The following TDRD10 variants were observed in gnomAD, a reference collection of about 807,000 sequenced individuals.
The protein encoded by TDRD10 is tudor domain-containing protein 10.
Under a neutral mutation model 48.0 loss-of-function variants are expected in TDRD10, and 40 were observed. The observed-to-expected ratio is 0.83, with a 90% CI of 0.65 to 1.09. TDRD10 has a LOEUF of 1.09. Ranked by LOEUF, TDRD10 falls within the 50% of genes least tolerant of loss-of-function variation. The probability of loss-of-function intolerance (pLI) is 0.00; values close to 1 mark genes in which losing one functional copy is unlikely to be tolerated. For missense variants in TDRD10, 378 were observed against 434.7 expected, an observed-to-expected ratio of 0.87 and a Z score of 1.16; for synonymous variants, 162 against 170.4, an observed-to-expected ratio of 0.95 and a Z score of 0.38.
chr1:154,539,875 AG>A lies in TDRD10; in HGVS notation c.370-2143del, dbSNP rs575311630. Among the ~76,000 whole-genome samples, 446 of 152,274 alleles carry A rather than the reference AG, an allele frequency of 2.9e-3. 4 individuals carry two copies. The highest frequency in any genetic ancestry group is 0.01 in the African/African-American group (427 of 41,554). The stretch of plus-strand genomic sequence containing the variant: ...GAGGTCACTTCTTTAGATGGTTCTT[AG>A]GGGGGCCCCCAATGCCAGCTCAGAG... On this transcript the variant is annotated intron_variant, in intron 6 of 12. Coordinates refer to ENST00000368482, the MANE Select transcript of TDRD10 (RefSeq NM_182499.4).
intron 4 of TDRD10, among the ~76,000 whole-genome samples, chr1:154,511,292 G>A (rs1190768053): frequency 6.6e-6 from 1 of 151,034 alleles, no homozygotes; most frequent in Non-Finnish European, 1.5e-5. Flanking sequence ...TTTTAGTAGA[G>A]ATGGGGTCTC....
At position 154,532,998 on chromosome 1, in the gene TDRD10, G is replaced by T. The variant is rs1380284296; in HGVS notation, c.370-9026G>T. Among the ~76,000 whole-genome samples the T allele has an allele frequency of 3.3e-5, 5 of 152,218 alleles. No homozygotes were observed. In the South Asian group the frequency reaches 6.2e-4, roughly 19 times the overall value. On this transcript the variant is annotated intron_variant, in intron 6 of 12. Coordinates refer to ENST00000368482, the MANE Select transcript of TDRD10 (RefSeq NM_182499.4). ...CCCCCCAGTAGGGAGAGAGAGGGGG[G>T]CTTTCTCTCTGTGAGGTGGGTATGG...
At chr1:154,512,381 G>A (rs1250458651) in intron 4 of TDRD10, among the ~76,000 whole-genome samples, 2 of 152,076 alleles carry the variant, frequency 1.3e-5, no homozygotes, top group African/African-American at 4.8e-5. Context: ...TTTCACTCTT[G>A]TTGCCCAGGC....
At chr1:154,547,521 C>G in intron 12 of TDRD10, 42 bp downstream of exon 12, 3 of 1,614,238 alleles carry the variant, frequency 1.9e-6, no homozygotes, top group Non-Finnish European at 2.5e-6. Context: ...TCCCTCCACT[C>G]CTGCCCTTGG....
At position 154,542,148 on chromosome 1, in the gene TDRD10, C is replaced by T. The variant is rs1310698487; in HGVS notation, c.412+82C>T. 4 of 1,437,254 alleles carry T rather than the reference C, an allele frequency of 2.8e-6. No individual in the cohort carries two copies. The Admixed American group carries it at 5.3e-5, about 19-fold the overall frequency. 89.0% of individuals were successfully genotyped at this position (1,437,254 alleles called of 1,614,324 possible). A position where few individuals can be genotyped will look rare whatever the true frequency, so the allele number is the denominator to read the frequency against. On this transcript the variant is annotated intron_variant, in intron 7 of 12. Transcript: ENST00000368482. ...CCTCTTCCAGCCCCTTCTGCAGCCT[C>T]CCTTCCAGCTCAGTCCCCTGATGAC...
At chr1:154,545,954 T>TA (rs1695539720) in intron 11 of TDRD10, among the ~76,000 whole-genome samples, 1 of 133,890 alleles carries the variant, frequency 7.5e-6, no homozygotes, top group Admixed American at 7.4e-5. Flanking sequence ...TTTTTTTTTT[T>TA]AGTAGAGATG....
At chr1:154,541,225 T>C (rs917785768) in intron 6 of TDRD10, among the ~76,000 whole-genome samples, 1 of 151,420 alleles carries the variant, frequency 6.6e-6, no homozygotes, top group Non-Finnish European at 1.5e-5. Context: ...GGGTGAGGGC[T>C]TGAGCCAGAG....
chr1:154,543,941 G>T (rs775640036), intron 8 of TDRD10, 22 bp from the exon 9 acceptor site: 2 of 1,597,286 alleles, frequency 1.3e-6, no homozygotes, highest in East Asian at 4.6e-5. Flanking sequence ...TCCTTTCCTT[G>T]CTCCCCTTGC....
Position 154,547,669 on chromosome 1 carries a change from C to A in TDRD10, c.1024-9C>A, listed in dbSNP as rs1160756659. 6.2e-7 allele frequency: 1 copy of A among 1,614,136 alleles called. No homozygotes were observed. ...TCCTTCCCACCAAGGCTTTGTCTTT[C>A]TCTTCCAGTTGCACATCCTAAAGTT... is the stretch of plus-strand genomic sequence containing the variant. On this transcript the variant is annotated splice_polypyrimidine_tract_variant and intron_variant, in intron 12 of 12. Coordinates refer to ENST00000368482, the MANE Select transcript of TDRD10 (RefSeq NM_182499.4).
At chr1:154,515,450 G>A (rs7519499) in intron 4 of TDRD10, among the ~76,000 whole-genome samples, 89,834 of 151,996 alleles carry the variant, frequency 0.59, 27,139 homozygotes, top group East Asian at 0.76. Context: ...AATCCCTTGC[G>A]GCCCTGTGTG....
At chr1:154,507,770 T>C (rs1181079487) in intron 3 of TDRD10, among the ~76,000 whole-genome samples, 2 of 152,190 alleles carry the variant, frequency 1.3e-5, no homozygotes, top group Non-Finnish European at 2.9e-5. Context: ...CACCACTCAC[T>C]GCATGCAGTG....
intron 4 of TDRD10, among the ~76,000 whole-genome samples, chr1:154,520,031 G>C (rs1213143636): frequency 6.6e-6 from 1 of 152,222 alleles, no homozygotes; most frequent in Non-Finnish European, 1.5e-5. Context: ...GACAGGCCGT[G>C]TGCGCCCATA....
intron 5 of TDRD10, 45 bp from the exon 6 acceptor site, chr1:154,521,278 T>C (rs1694038259): frequency 6.2e-7 from 1 of 1,604,090 alleles, no homozygotes; most frequent in Non-Finnish European, 8.5e-7. Flanking sequence ...TCTGGGCTTC[T>C]CTGGAGATGT....
At chr1:154,533,866 T>C (rs1188696118) in intron 6 of TDRD10, among the ~76,000 whole-genome samples, 1 of 147,122 alleles carries the variant, frequency 6.8e-6, no homozygotes, top group African/African-American at 2.5e-5. Flanking sequence ...GCAGCCACTG[T>C]GCCCAGCCAT....
At chr1:154,546,580 T>C (rs1404259707) in intron 11 of TDRD10, among the ~76,000 whole-genome samples, 1 of 150,564 alleles carries the variant, frequency 6.6e-6, no homozygotes, top group East Asian at 1.9e-4. Context: ...TTGTGCCCAG[T>C]GGGCAGGGAG....
chr1:154,546,444 ATATATAT>A (rs1165306970), intron 11 of TDRD10, among the ~76,000 whole-genome samples: 2 of 147,426 alleles, frequency 1.4e-5, no homozygotes, highest in African/African-American at 2.5e-5. Context: ...ATATCACGTA[ATATATAT>A]TATATATTAT....
intron 6 of TDRD10, among the ~76,000 whole-genome samples, chr1:154,538,783 G>C (rs1428302445): frequency 6.6e-6 from 1 of 151,952 alleles, no homozygotes; most frequent in Non-Finnish European, 1.5e-5. Context: ...AACCTGGGAG[G>C]CAGAGCTTGC....
At chr1:154,523,625 C>T (rs1462329884) in intron 6 of TDRD10, among the ~76,000 whole-genome samples, 1 of 152,212 alleles carries the variant, frequency 6.6e-6, no homozygotes, top group Non-Finnish European at 1.5e-5. Context: ...ATTCAATATT[C>T]TCTTTGTTCT....
In TDRD10 at chr1:154,543,888, GGCGTTGGTCCAGTCGTTCCTTTCCTT is replaced by G. The variant is rs918762285; in HGVS notation, c.504-46_504-21del. 2.1e-4 allele frequency: 325 copies of G among 1,582,652 alleles called. No homozygotes were observed. The African/African-American group carries it at 2.1e-3, about 10-fold the overall frequency. ...AGGCAGTTCAGCCTCCTGCAGGACA[GGCGTTGGTCCAGTCGTTCCTTTCCTT>G]GCGTTGGTCCAGTCGTTCCTTTCCT... On this transcript the variant is annotated intron_variant, in intron 8 of 12. Transcript: ENST00000368482.
Sources: allele counts gnomAD v4.1 joint callset (sites outside exome capture counted in the v4.1 genomes callset), GRCh38; gene constraint gnomAD v4.1.1; transcripts MANE v1.5; gene names NCBI Gene and HGNC (gene_info 2026-07-23, HGNC 2026-07-21).